The following ABHD2 variants were observed in gnomAD, a reference collection of about 807,000 sequenced individuals.
ABHD2 encodes abhydrolase domain containing 2, acylglycerol lipase.
In ABHD2, 20 loss-of-function variants were observed where a neutral mutation model predicts 48.1. The ratio of observed to expected loss-of-function variants is 0.42; its 90% CI spans 0.29 to 0.60. ABHD2 has a LOEUF of 0.60. ABHD2 is among the 20% of genes least tolerant of loss of function. The pLI is 0.24. For synonymous variants in ABHD2, 209 were observed against 214.2 expected (o/e 0.98, Z 0.21); for missense variants, 405 against 550.9 (o/e 0.74, Z 2.65).
intron 3 of ABHD2, among the ~76,000 whole-genome samples, chr15:89,142,853 C>T (rs2150870422): frequency 6.6e-6 from 1 of 152,274 alleles, no homozygotes; most frequent in East Asian, 1.9e-4. Flanking sequence ...ATTCTAGCCT[C>T]CTGCGTTCCC....
chr15:89,049,551 C>T, the ABHD2 span, among the ~76,000 whole-genome samples: 1 of 152,244 alleles, frequency 6.6e-6, no homozygotes, highest in Non-Finnish European at 1.5e-5. Context: ...ACTCCGTGGG[C>T]GTAGGACCCT....
At chr15:89,096,390 T>A (rs978160551) in intron 1 of ABHD2, among the ~76,000 whole-genome samples, 1 of 152,192 alleles carries the variant, frequency 6.6e-6, no homozygotes, top group Non-Finnish European at 1.5e-5. Context: ...TAATAAATAA[T>A]AGTTGGATAA....
At chr15:89,169,342 T>G (rs1025575905) in intron 5 of ABHD2, among the ~76,000 whole-genome samples, 1 of 152,172 alleles carries the variant, frequency 6.6e-6, no homozygotes, top group Non-Finnish European at 1.5e-5. Flanking sequence ...TAAATCTGCT[T>G]CCTTGTCTGT....
rs929461810 is a variant in ABHD2 at position 89,167,191 on chromosome 15, A to G, written c.539-8621A>G. Among the ~76,000 whole-genome samples the G allele has an allele frequency of 6.6e-6, 1 of 152,190 alleles. No individual in the cohort carries two copies. Among genetic ancestry groups the G allele is most frequent in the African/African-American group, 2.4e-5 (1 of 41,442 alleles). On this transcript the variant is annotated intron_variant, in intron 5 of 10. Transcript: ENST00000352732. The surrounding 1 kb of genome is among the most constrained non-coding windows in gnomAD (Gnocchi z 5.5). Reference sequence around the variant, plus strand: ...ACTGCTTAATATCTTACAATCTTCTATTAGATCATAAACATAGGTGTTTCG... The same window carrying G: ...ACTGCTTAATATCTTACAATCTTCTGTTAGATCATAAACATAGGTGTTTCG...
chr15:89,109,951 A>G (rs927097437), intron 1 of ABHD2, among the ~76,000 whole-genome samples: 14 of 152,236 alleles, frequency 9.2e-5, no homozygotes, highest in Non-Finnish European at 2.9e-5. Context: ...TAACCTATGC[A>G]TATCCTCCTA....
rs74029939 is a variant in ABHD2 at position 89,179,847 on chromosome 15, C to T, written c.722+3852C>T. Reference sequence around the variant, plus strand: ...TGTTAACATCACTAAGACCTGACCTCCTTGGTTCAGGTAAACCTGAACATC... The same window carrying T: ...TGTTAACATCACTAAGACCTGACCTTCTTGGTTCAGGTAAACCTGAACATC... On this transcript the variant is annotated intron_variant, in intron 6 of 10. Transcript: ENST00000352732. The surrounding 1 kb of genome is among the most constrained non-coding windows in gnomAD (Gnocchi z 4.3). Among the ~76,000 whole-genome samples, 557 of 152,284 alleles carry T rather than the reference C, an allele frequency of 3.7e-3. 3 individuals are homozygous for T. Among genetic ancestry groups the T allele is most frequent in the African/African-American group, 0.012 (505 of 41,556 alleles).
At chr15:89,144,259 G>A (rs1311674688) in intron 3 of ABHD2, among the ~76,000 whole-genome samples, 3 of 151,952 alleles carry the variant, frequency 2.0e-5, no homozygotes, top group South Asian at 2.1e-4. Context: ...TCAGCCTCCC[G>A]AGTAGCTGGA....
At chr15:89,052,558 G>C in the ABHD2 span, among the ~76,000 whole-genome samples, 71,115 of 123,604 alleles carry the variant, frequency 0.58, 19,632 homozygotes, top group African/African-American at 0.8. Flanking sequence ...CAGACAGACA[G>C]ACACACACAC....
chr15:89,165,185 G>A (rs953799334), intron 5 of ABHD2, among the ~76,000 whole-genome samples: 2 of 152,122 alleles, frequency 1.3e-5, no homozygotes, highest in African/African-American at 2.4e-5. Context: ...TGGGCCACAC[G>A]CCTCCAGCTC....
At position 89,175,042 on chromosome 15, in the gene ABHD2, TC is replaced by T. The variant is rs1440399952; in HGVS notation, c.539-767del. Among the ~76,000 whole-genome samples the T allele has an allele frequency of 6.6e-6, 1 of 152,160 alleles. No homozygotes were observed. Among genetic ancestry groups the T allele is most frequent in the African/African-American group, 2.4e-5 (1 of 41,422 alleles). ...CTAATCCTACAGAGCATCCTGGCAG[TC>T]CCTCTGGACTGAAGTTTATCTTTCC... On this transcript the variant is annotated intron_variant, in intron 5 of 10. Transcript: ENST00000352732. This position sits in a 1 kb window ranked among gnomAD's most constrained non-coding sequence, Gnocchi z 5.7.
the ABHD2 span, among the ~76,000 whole-genome samples, chr15:89,060,309 G>A: frequency 6.6e-6 from 1 of 151,332 alleles, no homozygotes; most frequent in East Asian, 1.9e-4. Flanking sequence ...CAGGCTGCTC[G>A]TGAACTCCTG....
At chr15:89,055,440 C>G in the ABHD2 span, among the ~76,000 whole-genome samples, 16 of 151,264 alleles carry the variant, frequency 1.1e-4, no homozygotes, top group Non-Finnish European at 8.8e-5. Flanking sequence ...GATCCTCTCT[C>G]TCCTGCCTCA....
chr15:89,093,371 G>A (rs1901678906), intron 1 of ABHD2, among the ~76,000 whole-genome samples: 1 of 151,820 alleles, frequency 6.6e-6, no homozygotes, highest in African/African-American at 2.4e-5. Flanking sequence ...GTAGAGACAG[G>A]GTTTCACTAT....
chr15:89,058,833 T>C, the ABHD2 span, among the ~76,000 whole-genome samples: 4 of 151,268 alleles, frequency 2.6e-5, no homozygotes, highest in Non-Finnish European at 5.9e-5. Context: ...AAAACAGCAA[T>C]CCAACGTTGG....
intron 3 of ABHD2, among the ~76,000 whole-genome samples, chr15:89,138,630 T>C (rs1297525809): frequency 6.6e-6 from 1 of 152,222 alleles, no homozygotes; most frequent in Non-Finnish European, 1.5e-5. Flanking sequence ...AGAAATGTTT[T>C]TTTTCAAAGA....
chr15:89,161,694 C>G (rs2150905645), intron 5 of ABHD2, among the ~76,000 whole-genome samples: 1 of 152,348 alleles, frequency 6.6e-6, no homozygotes, highest in South Asian at 2.1e-4. Context: ...AGCCACTGCA[C>G]CCAGCTTCAA....
At position 89,191,162 on chromosome 15, in the gene ABHD2, C is replaced by T; in HGVS notation, c.996+13C>T. ...GTACCTGCACAGGGTGAGTGGCCAT[C>T]ACGGGCTCAGAATCAGCATCACTCC... is the stretch of plus-strand genomic sequence containing the variant. On this transcript the variant is annotated intron_variant, in intron 9 of 10. Transcript: ENST00000352732. 1 of 1,613,602 alleles carries T rather than the reference C, an allele frequency of 6.2e-7. No individual in the cohort carries two copies. Among genetic ancestry groups the T allele is most frequent in the East Asian group, 2.2e-5 (1 of 44,884 alleles).
rs981043601 is a variant in ABHD2, at chr15:89,146,555, T to A, written c.195-5122T>A. ...TGTTGTGGCCCAGCTTGTTTGTTAG[T>A]AACAAACATTTATTAACCGCTGGCC... On this transcript the variant is annotated intron_variant, in intron 3 of 10. Transcript: ENST00000352732. The surrounding 1 kb of genome is among the most constrained non-coding windows in gnomAD (Gnocchi z 4.2). Among the ~76,000 whole-genome samples, 15 of 152,076 alleles carry A rather than the reference T, an allele frequency of 9.9e-5. No individual in the cohort carries two copies. Among genetic ancestry groups the A allele is most frequent in the African/African-American group, 3.6e-4 (15 of 41,398 alleles).
At chr15:89,065,766 A>G in the ABHD2 span, among the ~76,000 whole-genome samples, 1 of 152,128 alleles carries the variant, frequency 6.6e-6, no homozygotes, top group African/African-American at 2.4e-5. Context: ...CTTTCCTTCC[A>G]GAAGCCCCCC....
Sources: allele counts gnomAD v4.1 joint callset (sites outside exome capture counted in the v4.1 genomes callset), GRCh38; gene constraint gnomAD v4.1.1; non-coding constraint Gnocchi (gnomAD v3.1); transcripts MANE v1.5; gene names NCBI Gene and HGNC (gene_info 2026-07-23, HGNC 2026-07-21).